TMEM192: variants seen among roughly 807,000 people sequenced by gnomAD.
TMEM192 encodes transmembrane protein 192.
Under a neutral mutation model 26.7 loss-of-function variants are expected in TMEM192, and 20 were observed. The observed-to-expected ratio is 0.75, with a 90% CI of 0.53 to 1.09. TMEM192 has a LOEUF of 1.09. TMEM192 is among the 50% of genes least tolerant of loss of function. The pLI, the probability that TMEM192 is intolerant of heterozygous loss-of-function variation, is 0.00. For missense variants in TMEM192, 304 were observed against 322.6 expected (o/e 0.94, Z 0.44); for synonymous variants, 124 against 121.0 (o/e 1.02, Z -0.16).
chr4:165,106,932 T>C (rs1212336470), intron 1 of TMEM192, among the ~76,000 whole-genome samples: 1 of 152,190 alleles, frequency 6.6e-6, no homozygotes, highest in Non-Finnish European at 1.5e-5. Context: ...ATAATCCTAA[T>C]ACGATCCCCA....
chr4:165,079,425 TACAA>T lies in TMEM192; in HGVS notation c.*229_*232del. The T allele has an allele frequency of 2.3e-6, 1 of 434,956 alleles. No individual in the cohort carries two copies. Among genetic ancestry groups the T allele is most frequent in the Non-Finnish European group, 4.0e-6 (1 of 247,338 alleles). 26.9% of individuals were successfully genotyped at this position (434,956 alleles called of 1,614,324 possible). ...CAAGCAGTTAAATAATTTCCAAAAG[TACAA>T]ACAGACATTCCCCTCAAGTTATCCG... On this transcript the variant is annotated 3_prime_UTR_variant, in exon 6 of 6. Transcript: ENST00000306480.
chr4:165,094,987 A>G (rs1578906833), intron 3 of TMEM192, among the ~76,000 whole-genome samples: 1 of 151,986 alleles, frequency 6.6e-6, no homozygotes, highest in Admixed American at 6.6e-5. Flanking sequence ...AAAAAAAAAA[A>G]AGATTCTAAG....
rs540240600 is a variant in TMEM192, at chr4:165,084,997, G to A, written c.677+589C>T. Among the ~76,000 whole-genome samples, 12 of 151,818 alleles carry A rather than the reference G, an allele frequency of 7.9e-5. No homozygotes were observed. The South Asian group carries it at 2.1e-3, about 26-fold the overall frequency. The stretch of plus-strand genomic sequence containing the variant: ...TCCCTTAAAAAGAAAATAACAGGCC[G>A]GGCGAGGTGGCTCACGCCTGTGATC... On this transcript the variant is annotated intron_variant, in intron 5 of 5. Transcript: ENST00000306480.
rs952830431 is a variant in TMEM192 at position 165,112,839 on chromosome 4, G to T, written c.-66C>A. ...CTCCACCTGGACCTGTAAGCCTCTG[G>T]CCGCGAAACTCGCCACCTTCTGGGA... On this transcript the variant is annotated 5_prime_UTR_variant, in exon 1 of 6. Coordinates refer to ENST00000306480, the MANE Select transcript of TMEM192 (RefSeq NM_001100389.2). 3.2e-6 allele frequency: 5 copies of T among 1,573,086 alleles called. No homozygotes were observed. The East Asian group carries it at 9.4e-5, about 30-fold the overall frequency.
chr4:165,107,352 A>C (rs1335995915), intron 1 of TMEM192, among the ~76,000 whole-genome samples: 1 of 149,390 alleles, frequency 6.7e-6, no homozygotes, highest in African/African-American at 2.5e-5. Flanking sequence ...AAAAACAAAA[A>C]AAAAAACAGG....
At position 165,098,124 on chromosome 4, in the gene TMEM192, C is replaced by G. The variant is rs368597777; in HGVS notation, c.439+2504G>C. ...CATTACAGGCATGAGCCACCGTGCC[C>G]GGCCTTAATTTTTTTTTTAGACAGA... On this transcript the variant is annotated intron_variant, in intron 3 of 5. Coordinates refer to ENST00000306480, the MANE Select transcript of TMEM192 (RefSeq NM_001100389.2). 3.7e-4 allele frequency among the ~76,000 whole-genome samples: 56 copies of G among 151,226 alleles called. No homozygotes were observed. The East Asian group carries it at 0.01, about 27-fold the overall frequency.
chr4:165,100,801 G>A lies in TMEM192; in HGVS notation c.266C>T (p.Pro89Leu), dbSNP rs1236499114. 1 of 1,613,980 alleles carries A rather than the reference G, an allele frequency of 6.2e-7. No homozygotes were observed. The highest frequency in any genetic ancestry group is 8.5e-7 in the Non-Finnish European group (1 of 1,179,978). ...GATTATAACCGTCTGAACTTTCAAT[G>A]GGTTTGTGTAATTTCCTGGGCACTT... ...EDKCPGNYTNPLKVQTVIILG... is the reference protein window; with the variant it reads ...EDKCPGNYTNLLKVQTVIILG... The change falls in exon 3 of 6, where the codon CCA becomes CTA. Residue 89 changes from proline to leucine, a missense_variant. Physicochemically the swap from Pro to Leu is moderately conservative, Grantham distance 98. Transcript: ENST00000306480.
At chr4:165,086,279 G>C (rs1439308266) in intron 4 of TMEM192, among the ~76,000 whole-genome samples, 1 of 152,134 alleles carries the variant, frequency 6.6e-6, no homozygotes, top group Non-Finnish European at 1.5e-5. Context: ...TTCAGGTGCA[G>C]GAGGAGTCTG....
chr4:165,088,652 G>T, intron 3 of TMEM192, 50 bp from the exon 4 acceptor site: 1 of 1,546,404 alleles, frequency 6.5e-7, no homozygotes, highest in South Asian at 1.2e-5. Flanking sequence ...ATACATATAT[G>T]GTCTTTGTCC....
chr4:165,074,120 C>CCT lies in TMEM192; in HGVS notation c.*5537_*5538insAG, dbSNP rs398072358. 2.5e-4 allele frequency: 38 copies of CCT among 151,832 alleles called. No individual in the cohort carries two copies. Among genetic ancestry groups the CCT allele is most frequent in the African/African-American group, 8.7e-4 (36 of 41,400 alleles). The allele number at this position is 151,832 out of a possible 1,614,324, so 9.4% of individuals were successfully genotyped here. A position where few individuals can be genotyped will look rare whatever the true frequency, so the allele number is the denominator to read the frequency against. ...ACAGGTGTGGAGGGGCAGACCCCCC[C>CCT]TCAATCAACTGAGCCAAGTGTTGCT... On this transcript the variant is annotated 3_prime_UTR_variant, in exon 6 of 6. Coordinates refer to ENST00000306480, the MANE Select transcript of TMEM192 (RefSeq NM_001100389.2).
intron 1 of TMEM192, among the ~76,000 whole-genome samples, chr4:165,108,744 G>C (rs1735225886): frequency 6.6e-6 from 1 of 152,144 alleles, no homozygotes; most frequent in Admixed American, 6.5e-5. Context: ...GGTAGGCGCA[G>C]GGCCAGGGGG....
chr4:165,091,535 G>A (rs1315161279), intron 3 of TMEM192, among the ~76,000 whole-genome samples: 1 of 152,152 alleles, frequency 6.6e-6, no homozygotes, highest in African/African-American at 2.4e-5. Context: ...ATGTAGGAAC[G>A]TAGAAAAGCA....
At chr4:165,107,490 C>T (rs570245064) in intron 1 of TMEM192, among the ~76,000 whole-genome samples, 1 of 152,018 alleles carries the variant, frequency 6.6e-6, no homozygotes, top group Non-Finnish European at 1.5e-5. Flanking sequence ...ACCAGAGGCA[C>T]ACTCCACTAT....
chr4:165,110,670 A>G (rs1309574586), intron 1 of TMEM192, among the ~76,000 whole-genome samples: 1 of 152,196 alleles, frequency 6.6e-6, no homozygotes, highest in African/African-American at 2.4e-5. Context: ...GTACCATTGC[A>G]CTCCAACCTG....
At chr4:165,091,743 CT>C (rs1439820524) in intron 3 of TMEM192, among the ~76,000 whole-genome samples, 1 of 152,150 alleles carries the variant, frequency 6.6e-6, no homozygotes, top group African/African-American at 2.4e-5. Context: ...AAAACCTGGA[CT>C]TTCTTAAAAA....
At chr4:165,096,931 G>C (rs1250524863) in intron 3 of TMEM192, among the ~76,000 whole-genome samples, 1 of 149,452 alleles carries the variant, frequency 6.7e-6, no homozygotes, top group Non-Finnish European at 1.5e-5. Context: ...GATCATATAA[G>C]ATCTTTTGTA....
Position 165,073,777 on chromosome 4 carries a change from G to C in TMEM192, c.*5881C>G, listed in dbSNP as rs1235079826. ...TACTCTTTGCTACACTGAAATGTTT[G>C]TGTAAAGAGAAACGTAAATCTAGCC... On this transcript the variant is annotated 3_prime_UTR_variant, in exon 6 of 6. Coordinates refer to ENST00000306480, the MANE Select transcript of TMEM192 (RefSeq NM_001100389.2). The C allele has an allele frequency of 6.6e-6, 1 of 152,140 alleles. No individual in the cohort carries two copies. The highest frequency in any genetic ancestry group is 1.5e-5 in the Non-Finnish European group (1 of 68,026). The allele number at this position is 152,140 out of a possible 1,614,324, so 9.4% of individuals were successfully genotyped here. A position where few individuals can be genotyped will look rare whatever the true frequency, so the allele number is the denominator to read the frequency against.
Position 165,077,248 on chromosome 4 carries a change from C to G in TMEM192, c.*2410G>C, listed in dbSNP as rs1436709386. On this transcript the variant is annotated 3_prime_UTR_variant, in exon 6 of 6. Transcript: ENST00000306480. Reference sequence around the variant, plus strand: ...CCCTAACTTTTTAACTACACTGTTCCTTGTAAACCAAAGTTCATCCTATAA... The same window carrying G: ...CCCTAACTTTTTAACTACACTGTTCGTTGTAAACCAAAGTTCATCCTATAA... The G allele has an allele frequency of 6.6e-6, 1 of 152,178 alleles. No homozygotes were observed. The highest frequency in any genetic ancestry group is 1.5e-5 in the Non-Finnish European group (1 of 68,034). The allele number at this position is 152,178 out of a possible 1,614,324, so 9.4% of individuals were successfully genotyped here.
chr4:165,090,756 C>G (rs1166690450), intron 3 of TMEM192, among the ~76,000 whole-genome samples: 1 of 151,418 alleles, frequency 6.6e-6, no homozygotes, highest in Non-Finnish European at 1.5e-5. Context: ...AATACAAAAA[C>G]TAGCTGGTGT....
Sources: allele counts gnomAD v4.1 joint callset (sites outside exome capture counted in the v4.1 genomes callset), GRCh38; gene constraint gnomAD v4.1.1; transcripts MANE v1.5; gene names NCBI Gene and HGNC (gene_info 2026-07-23, HGNC 2026-07-21).